DNAJC1: variants seen among roughly 807,000 people sequenced by gnomAD.
DNAJC1 encodes the protein dnaJ homolog subfamily C member 1.
A neutral mutation model predicts 76.6 loss-of-function variants in DNAJC1; 58 were observed. That is an observed-to-expected ratio of 0.76 (90% CI 0.61 to 0.94). The LOEUF (loss-of-function observed/expected upper bound fraction) is 0.94, where lower values mean the gene tolerates loss of function less well. Among genes scored for constraint, DNAJC1 ranks in the 40% least tolerant of loss-of-function variants. DNAJC1 has a pLI of 0.00. For missense variants in DNAJC1, 689 were observed against 677.3 expected (o/e 1.02, Z -0.19); for synonymous variants, 258 against 267.9 (o/e 0.96, Z 0.36).
intron 8 of DNAJC1, among the ~76,000 whole-genome samples, chr10:21,837,327 C>T (rs1203532933): frequency 2.0e-5 from 3 of 152,072 alleles, no homozygotes; most frequent in Admixed American, 6.5e-5. Flanking sequence ...TCTGCCCGGC[C>T]GCCACCCCGT....
At chr10:21,789,940 G>T (rs1303393203) in intron 9 of DNAJC1, among the ~76,000 whole-genome samples, 1 of 150,216 alleles carries the variant, frequency 6.7e-6, no homozygotes, top group African/African-American at 2.5e-5. Flanking sequence ...AATCCAGGAG[G>T]TGGAGGTTGC....
chr10:21,790,330 A>G (rs986965042), intron 9 of DNAJC1, among the ~76,000 whole-genome samples: 2 of 152,032 alleles, frequency 1.3e-5, no homozygotes, highest in African/African-American at 4.8e-5. Flanking sequence ...AAATAGATTC[A>G]ACTCAAAAAG....
chr10:21,883,398 G>T (rs561490863), intron 7 of DNAJC1, among the ~76,000 whole-genome samples: 1 of 152,178 alleles, frequency 6.6e-6, no homozygotes, highest in Admixed American at 6.5e-5. Context: ...GTGTACGTGT[G>T]TATGTGTGTA....
At chr10:21,957,290 T>C (rs987344568) in intron 1 of DNAJC1, among the ~76,000 whole-genome samples, 3 of 152,198 alleles carry the variant, frequency 2.0e-5, no homozygotes, top group African/African-American at 4.8e-5. Context: ...AAAGAAAGCA[T>C]GGAAGAATAA....
intron 1 of DNAJC1, among the ~76,000 whole-genome samples, chr10:21,990,890 T>C (rs1460570717): frequency 6.6e-6 from 1 of 152,138 alleles, no homozygotes; most frequent in African/African-American, 2.4e-5. Flanking sequence ...CAGCTATTTA[T>C]GAAATTACAA....
intron 9 of DNAJC1, among the ~76,000 whole-genome samples, chr10:21,774,058 G>A (rs545231544): frequency 1.0e-4 from 15 of 147,426 alleles, no homozygotes; most frequent in Non-Finnish European, 1.5e-4. Flanking sequence ...GGAGAATGGC[G>A]TGAACCCGGG....
intron 1 of DNAJC1, among the ~76,000 whole-genome samples, chr10:21,966,546 A>T (rs914047244): frequency 6.6e-6 from 1 of 151,908 alleles, no homozygotes; most frequent in South Asian, 2.1e-4. Context: ...TGTAGGTATA[A>T]ATTCATGGAT....
At chr10:21,840,591 C>A (rs577426271) in intron 8 of DNAJC1, among the ~76,000 whole-genome samples, 38 of 151,978 alleles carry the variant, frequency 2.5e-4, no homozygotes, top group African/African-American at 8.5e-4. Context: ...CACTGCTCAA[C>A]GAAATAAAAG....
chr10:21,837,358 C>A lies in DNAJC1; in HGVS notation c.979-31259G>T, dbSNP rs1412694751. ...CCCGTCTGAGAAGTGAGAAGCGTCT[C>A]TGCCTGGCCGCCCATCGTCTGGGAT... On this transcript the variant is annotated intron_variant, in intron 8 of 11. Coordinates refer to ENST00000376980, the MANE Select transcript of DNAJC1 (RefSeq NM_022365.4). 3.3e-5 allele frequency among the ~76,000 whole-genome samples: 5 copies of A among 152,266 alleles called. No homozygotes were observed. In the South Asian group the frequency reaches 8.3e-4, roughly 25 times the overall value.
chr10:21,994,716 G>C (rs374209011), intron 1 of DNAJC1, among the ~76,000 whole-genome samples: 1 of 151,888 alleles, frequency 6.6e-6, no homozygotes, highest in African/African-American at 2.4e-5. Context: ...GCATGAATCC[G>C]GGAGGCAGAG....
chr10:21,773,009 C>CT (rs1834406724), intron 9 of DNAJC1, among the ~76,000 whole-genome samples: 1 of 152,140 alleles, frequency 6.6e-6, no homozygotes, highest in Non-Finnish European at 1.5e-5. Flanking sequence ...TGTGAGACCT[C>CT]TGTCCCGAGA....
chr10:22,000,566 T>C (rs1265701288), intron 1 of DNAJC1, among the ~76,000 whole-genome samples: 4 of 152,250 alleles, frequency 2.6e-5, no homozygotes, highest in African/African-American at 9.6e-5. Flanking sequence ...CTGGCCTTTG[T>C]GCTTACTGTC....
At chr10:21,827,036 G>C (rs969146698) in intron 8 of DNAJC1, among the ~76,000 whole-genome samples, 4 of 151,840 alleles carry the variant, frequency 2.6e-5, no homozygotes, top group Admixed American at 6.6e-5. Context: ...GATTGCCCTG[G>C]GTAGTATTGT....
intron 8 of DNAJC1, among the ~76,000 whole-genome samples, chr10:21,811,885 A>C (rs1014643459): frequency 6.6e-5 from 10 of 152,160 alleles, no homozygotes; most frequent in Non-Finnish European, 1.0e-4. Context: ...AAACTACAGG[A>C]GTATTTTTCC....
chr10:21,833,344 G>A (rs936695526), intron 8 of DNAJC1, among the ~76,000 whole-genome samples: 3 of 152,080 alleles, frequency 2.0e-5, no homozygotes, highest in East Asian at 3.9e-4. Flanking sequence ...GGTGACGGGC[G>A]CCTGTAATCC....
chr10:21,860,779 A>G (rs2131698101), intron 8 of DNAJC1: 1 of 156,850 alleles, frequency 6.4e-6, no homozygotes, highest in East Asian at 1.9e-4. Context: ...AGAGACCAGG[A>G]TCTTGTCTCC....
intron 4 of DNAJC1, 109 bp downstream of exon 4, chr10:21,920,689 G>A (rs1837027785): frequency 1.1e-6 from 1 of 924,112 alleles, no homozygotes; most frequent in African/African-American, 1.7e-5. Context: ...CTATTAGAAT[G>A]AGAAGTATAC....
At chr10:21,904,447 G>T in intron 7 of DNAJC1, 75 bp downstream of exon 7, 12 of 951,190 alleles carry the variant, frequency 1.3e-5, no homozygotes, top group Non-Finnish European at 1.8e-5. Context: ...AATTACTGCT[G>T]AATTTAAAAG....
At chr10:21,799,116 A>G (rs1294698565) in intron 9 of DNAJC1, among the ~76,000 whole-genome samples, 3 of 152,232 alleles carry the variant, frequency 2.0e-5, no homozygotes, top group Admixed American at 2.0e-4. Context: ...AATGTTTAAA[A>G]TATAAAAAAC....
Sources: allele counts gnomAD v4.1 joint callset (sites outside exome capture counted in the v4.1 genomes callset), GRCh38; gene constraint gnomAD v4.1.1; transcripts MANE v1.5; gene names NCBI Gene and HGNC (gene_info 2026-07-23, HGNC 2026-07-21).